Variants in MARCHF1 observed in about 807,000 individuals in gnomAD.
The protein encoded by MARCHF1 is membrane associated ring-CH-type finger 1.
A neutral mutation model predicts 54.2 loss-of-function variants in MARCHF1; 40 were observed. The ratio of observed to expected loss-of-function variants is 0.74; its 90% CI spans 0.57 to 0.96. The LOEUF is 0.96. MARCHF1 is among the 40% of genes least tolerant of loss of function. The pLI is 0.00. For synonymous variants in MARCHF1, 236 were observed against 236.3 expected, an observed-to-expected ratio of 1.00 and a Z score of 0.01; for missense variants, 586 against 656.5, an observed-to-expected ratio of 0.89 and a Z score of 1.17.
At chr4:164,165,095 G>T (rs1404644259) in intron 1 of MARCHF1, among the ~76,000 whole-genome samples, 2 of 152,060 alleles carry the variant, frequency 1.3e-5, no homozygotes, top group African/African-American at 2.4e-5. Context: ...ATAGCCCAAT[G>T]GTTCTGTGAA....
intron 2 of MARCHF1, among the ~76,000 whole-genome samples, chr4:164,046,224 T>G (rs1447081083): frequency 6.6e-6 from 1 of 152,238 alleles, no homozygotes; most frequent in Non-Finnish European, 1.5e-5. Flanking sequence ...CTTTACCTAC[T>G]GGACTGTCAA....
At chr4:163,652,259 C>T (rs1713035230) in intron 5 of MARCHF1, among the ~76,000 whole-genome samples, 1 of 151,782 alleles carries the variant, frequency 6.6e-6, no homozygotes, top group South Asian at 2.1e-4. Context: ...ATGTTGTTGT[C>T]TTCCCTAACT....
intron 4 of MARCHF1, among the ~76,000 whole-genome samples, chr4:163,750,075 A>C (rs1054090711): frequency 6.7e-6 from 1 of 148,840 alleles, no homozygotes; most frequent in African/African-American, 2.5e-5. Context: ...TTGAAAAAAA[A>C]AAAGATCTCT....
At position 163,997,708 on chromosome 4, in the gene MARCHF1, A is replaced by T. The variant is rs1487749336; in HGVS notation, c.-247-8999T>A. Among the ~76,000 whole-genome samples the T allele has an allele frequency of 2.0e-5, 3 of 151,986 alleles. 1 individual carries two copies. The highest frequency in any genetic ancestry group is 2.0e-4 in the Admixed American group (3 of 15,206). ...TATATTTTGCTAAAGAGCAGTCCAT[A>T]TGAATAGACAAGGAGTATGCTGCTG... is the stretch of plus-strand genomic sequence containing the variant. On this transcript the variant is annotated intron_variant, in intron 2 of 9. Coordinates refer to ENST00000514618, the MANE Select transcript of MARCHF1 (RefSeq NM_001394959.1).
intron 1 of MARCHF1, among the ~76,000 whole-genome samples, chr4:164,350,769 CCGAA>C (rs1321126903): frequency 2.6e-5 from 4 of 152,150 alleles, no homozygotes; most frequent in African/African-American, 4.8e-5. Flanking sequence ...GCCAAGATGG[CCGAA>C]TAGGAACAGC....
At chr4:164,194,330 A>G (rs555521255) in intron 1 of MARCHF1, among the ~76,000 whole-genome samples, 1 of 152,298 alleles carries the variant, frequency 6.6e-6, no homozygotes, top group South Asian at 2.1e-4. Flanking sequence ...TTACTTTAAG[A>G]AACAGATTAA....
chr4:163,935,061 T>C (rs1443993928), intron 3 of MARCHF1, among the ~76,000 whole-genome samples: 1 of 152,150 alleles, frequency 6.6e-6, no homozygotes, highest in African/African-American at 2.4e-5. Flanking sequence ...GGTGTTGTGT[T>C]AACAGACATA....
intron 1 of MARCHF1, among the ~76,000 whole-genome samples, chr4:164,138,536 T>G (rs536726447): frequency 1.3e-5 from 2 of 152,328 alleles, no homozygotes; most frequent in South Asian, 2.1e-4. Context: ...TAGCAGGTTT[T>G]GGGCACTTAC....
At chr4:163,652,120 C>CTA (rs1271323391) in intron 5 of MARCHF1, among the ~76,000 whole-genome samples, 1 of 151,828 alleles carries the variant, frequency 6.6e-6, no homozygotes, top group Non-Finnish European at 1.5e-5. Context: ...CTTTCAGACA[C>CTA]TATCTCATCT....
At chr4:164,376,397 T>C (rs1198688938) in intron 1 of MARCHF1, among the ~76,000 whole-genome samples, 1 of 152,174 alleles carries the variant, frequency 6.6e-6, no homozygotes, top group Non-Finnish European at 1.5e-5. Flanking sequence ...TCTTATTCAT[T>C]TTTCTCTAGA....
At chr4:163,715,598 A>C (rs575452608) in intron 4 of MARCHF1, among the ~76,000 whole-genome samples, 5 of 152,210 alleles carry the variant, frequency 3.3e-5, no homozygotes, top group Non-Finnish European at 7.3e-5. Flanking sequence ...ACCCAGATGC[A>C]AAAATCTGAA....
rs188590167 is a variant in MARCHF1, at chr4:164,350,771, G to C, written c.-323+33099C>G. On this transcript the variant is annotated intron_variant, in intron 1 of 9. Transcript: ENST00000514618. ...GTTGGGAGGAGGAGCCAAGATGGCC[G>C]AATAGGAACAGCTCCGGTCTACAGC... Among the ~76,000 whole-genome samples, 67 of 152,268 alleles carry C rather than the reference G, an allele frequency of 4.4e-4. No homozygotes were observed. The East Asian group carries it at 0.01, about 24-fold the overall frequency.
chr4:163,599,583 C>A (rs975734738), intron 7 of MARCHF1, among the ~76,000 whole-genome samples: 7 of 152,122 alleles, frequency 4.6e-5, no homozygotes, highest in African/African-American at 1.7e-4. Context: ...AAGCCCTATA[C>A]CTATCCCCAT....
intron 2 of MARCHF1, among the ~76,000 whole-genome samples, chr4:164,044,464 G>A (rs759337191): frequency 9.9e-5 from 15 of 152,202 alleles, no homozygotes; most frequent in Non-Finnish European, 2.1e-4. Context: ...ACTATCATGA[G>A]ATCAAGGGGG....
chr4:163,531,890 A>G (rs1233292559), intron 9 of MARCHF1, among the ~76,000 whole-genome samples: 1 of 151,892 alleles, frequency 6.6e-6, no homozygotes, highest in Non-Finnish European at 1.5e-5. Context: ...CTAACAAAAT[A>G]TGTACAAGAT....
Position 163,728,505 on chromosome 4 carries a change from T to TC in MARCHF1, c.112-27643dup, listed in dbSNP as rs543845371. Among the ~76,000 whole-genome samples the TC allele has an allele frequency of 7.9e-5, 12 of 152,076 alleles. No homozygotes were observed. In the East Asian group the frequency reaches 9.6e-4, roughly 12 times the overall value. Reference sequence around the variant, plus strand: ...TGGGGTTCTTTTTTCACATTGATCTTCCCCCCCATACTTTTGTTATATTTA... The same window carrying TC: ...TGGGGTTCTTTTTTCACATTGATCTTCCCCCCCCATACTTTTGTTATATTTA... On this transcript the variant is annotated intron_variant, in intron 4 of 9. Transcript: ENST00000514618.
chr4:164,013,592 T>C (rs1305025747), intron 2 of MARCHF1, among the ~76,000 whole-genome samples: 2 of 152,036 alleles, frequency 1.3e-5, no homozygotes, highest in Non-Finnish European at 2.9e-5. Context: ...AGGCATGTAA[T>C]AAACTCTCAA....
At chr4:163,784,946 T>C (rs1203487710) in intron 4 of MARCHF1, among the ~76,000 whole-genome samples, 2 of 152,090 alleles carry the variant, frequency 1.3e-5, no homozygotes, top group Non-Finnish European at 2.9e-5. Context: ...TACAAAGATT[T>C]CTATCTGATC....
intron 3 of MARCHF1, among the ~76,000 whole-genome samples, chr4:163,875,676 A>C (rs1044986527): frequency 6.6e-6 from 1 of 152,216 alleles, no homozygotes; most frequent in Non-Finnish European, 1.5e-5. Context: ...TCCATGTTTA[A>C]ACCAAACTAT....
Sources: allele counts gnomAD v4.1 joint callset (sites outside exome capture counted in the v4.1 genomes callset), GRCh38; gene constraint gnomAD v4.1.1; transcripts MANE v1.5; gene names NCBI Gene and HGNC (gene_info 2026-07-23, HGNC 2026-07-21).